Variants in LUZP2 observed in about 807,000 individuals in gnomAD.
LUZP2 encodes the protein leucine zipper protein 2.
A neutral mutation model predicts 51.6 loss-of-function variants in LUZP2; 52 were observed. That is an observed-to-expected ratio of 1.01 (90% confidence interval 0.81 to 1.27). LUZP2 has a LOEUF of 1.27. Among genes scored for constraint, LUZP2 ranks in the 50% most tolerant of loss-of-function variants. The pLI, the probability that LUZP2 is intolerant of heterozygous loss-of-function variation, is 0.00. For synonymous variants in LUZP2, 154 were observed against 137.3 expected, an observed-to-expected ratio of 1.12 and a Z score of -0.85; for missense variants, 436 against 395.4, an observed-to-expected ratio of 1.10 and a Z score of -0.87.
At chr11:24,682,543 A>G (rs1856770218) in intron 1 of LUZP2, among the ~76,000 whole-genome samples, 1 of 144,082 alleles carries the variant, frequency 6.9e-6, no homozygotes, top group Admixed American at 6.9e-5. Context: ...CAGTGTGTAT[A>G]TGTATATATA....
intron 7 of LUZP2, among the ~76,000 whole-genome samples, chr11:24,945,010 T>C (rs1166463300): frequency 6.6e-6 from 1 of 152,180 alleles, no homozygotes; most frequent in African/African-American, 2.4e-5. Flanking sequence ...GAGTAGTGAG[T>C]GCCAATTCTC....
intron 1 of LUZP2, among the ~76,000 whole-genome samples, chr11:24,498,075 T>A (rs956822919): frequency 9.2e-5 from 14 of 152,204 alleles, no homozygotes; most frequent in Non-Finnish European, 2.9e-5. Flanking sequence ...GACTCCCCAC[T>A]GTTGATCAAG....
intron 1 of LUZP2, among the ~76,000 whole-genome samples, chr11:24,570,511 T>C (rs549454797): frequency 1.2e-3 from 176 of 152,218 alleles, no homozygotes; most frequent in Non-Finnish European, 2.1e-3. Flanking sequence ...AATTTTGAAG[T>C]TGACTGATTT....
chr11:24,690,822 G>A (rs2133888252), intron 1 of LUZP2, among the ~76,000 whole-genome samples: 1 of 152,106 alleles, frequency 6.6e-6, no homozygotes, highest in Non-Finnish European at 1.5e-5. Flanking sequence ...TGTTCTAGAT[G>A]CTGAACAGCC....
chr11:25,069,296 G>T (rs867247269), intron 10 of LUZP2, among the ~76,000 whole-genome samples: 6 of 151,944 alleles, frequency 3.9e-5, no homozygotes, highest in Middle Eastern at 6.8e-3. Flanking sequence ...TGACCTTGAG[G>T]ATGTTATGCA....
chr11:24,976,944 A>C (rs1855897845), intron 8 of LUZP2, among the ~76,000 whole-genome samples: 1 of 151,756 alleles, frequency 6.6e-6, no homozygotes, highest in Non-Finnish European at 1.5e-5. Context: ...CCATAATACC[A>C]TGAATAAACA....
chr11:24,653,580 T>C (rs1855704931), intron 1 of LUZP2, among the ~76,000 whole-genome samples: 2 of 152,206 alleles, frequency 1.3e-5, no homozygotes, highest in Non-Finnish European at 1.5e-5. Flanking sequence ...ATGGCATTTA[T>C]AGCCCATGAG....
intron 1 of LUZP2, among the ~76,000 whole-genome samples, chr11:24,532,356 T>C (rs753896628): frequency 6.6e-6 from 1 of 151,076 alleles, no homozygotes; most frequent in Admixed American, 6.6e-5. Context: ...TAAATTAAAG[T>C]CTAAACATTA....
At chr11:24,755,956 C>T (rs561791372) in intron 4 of LUZP2, among the ~76,000 whole-genome samples, 19 of 152,192 alleles carry the variant, frequency 1.2e-4, no homozygotes, top group African/African-American at 3.9e-4. Context: ...ACATTAACTG[C>T]GAGCCTGGCA....
chr11:24,814,969 G>A (rs1245321927), intron 5 of LUZP2, among the ~76,000 whole-genome samples: 4 of 148,296 alleles, frequency 2.7e-5, no homozygotes, highest in Admixed American at 6.8e-5. Flanking sequence ...TCCAGCTTGG[G>A]CGACAGAGTG....
At chr11:24,792,316 A>T (rs1849430996) in intron 5 of LUZP2, among the ~76,000 whole-genome samples, 1 of 151,966 alleles carries the variant, frequency 6.6e-6, no homozygotes, top group Non-Finnish European at 1.5e-5. Flanking sequence ...AGTCCCAGCT[A>T]CTTGGGAGGC....
intron 9 of LUZP2, among the ~76,000 whole-genome samples, chr11:25,004,591 G>T (rs188229785): frequency 6.6e-6 from 1 of 152,198 alleles, no homozygotes; most frequent in Non-Finnish European, 1.5e-5. Flanking sequence ...ACCCTCGAGT[G>T]ATTAGGGTGA....
intron 1 of LUZP2, among the ~76,000 whole-genome samples, chr11:24,588,087 A>AT (rs1468721453): frequency 1.3e-5 from 2 of 152,036 alleles, no homozygotes; most frequent in Non-Finnish European, 1.5e-5. Context: ...TTATTTTGGT[A>AT]TTTTTTAATA....
At chr11:24,621,608 G>A (rs1489687719) in intron 1 of LUZP2, among the ~76,000 whole-genome samples, 1 of 152,074 alleles carries the variant, frequency 6.6e-6, no homozygotes, top group African/African-American at 2.4e-5. Context: ...ATTCTTACTT[G>A]TGAAAGCTTT....
intron 9 of LUZP2, among the ~76,000 whole-genome samples, chr11:25,035,681 G>A (rs1055288249): frequency 3.9e-5 from 6 of 151,972 alleles, no homozygotes; most frequent in Admixed American, 1.3e-4. Flanking sequence ...CTGGGAGAAT[G>A]GGTATTACAG....
At chr11:24,997,209 G>C (rs1167161832) in intron 9 of LUZP2, among the ~76,000 whole-genome samples, 2 of 151,276 alleles carry the variant, frequency 1.3e-5, no homozygotes, top group African/African-American at 4.8e-5. Context: ...CTTCCACAAT[G>C]GTTGAACTAG....
intron 5 of LUZP2, among the ~76,000 whole-genome samples, chr11:24,858,634 A>G (rs1456329077): frequency 2.0e-5 from 3 of 152,220 alleles, no homozygotes; most frequent in African/African-American, 7.2e-5. Flanking sequence ...AAGTTATAAA[A>G]TATAAAATAT....
chr11:24,766,834 T>A (rs559096553), intron 5 of LUZP2, among the ~76,000 whole-genome samples: 4 of 152,216 alleles, frequency 2.6e-5, no homozygotes, highest in African/African-American at 9.6e-5. Context: ...CGATCTCAGC[T>A]CACTGCAACC....
chr11:25,067,925 T>C (rs1262494256), intron 10 of LUZP2, among the ~76,000 whole-genome samples: 1 of 151,972 alleles, frequency 6.6e-6, no homozygotes, highest in Non-Finnish European at 1.5e-5. Context: ...CAAATGCCCA[T>C]CAATGATAGA....
Sources: gnomAD v4.1 joint callset for allele counts (sites outside exome capture counted in the v4.1 genomes callset) on GRCh38, gnomAD v4.1.1 for gene constraint, MANE v1.5 for transcripts, NCBI Gene and HGNC (gene_info 2026-07-23, HGNC 2026-07-21) for gene names.